The following TSPEAR variants were observed in gnomAD, a reference collection of about 807,000 sequenced individuals.
TSPEAR encodes thrombospondin type laminin G domain and EAR repeats.
In TSPEAR, 69 loss-of-function variants were observed where a neutral mutation model predicts 71.6. That is an observed-to-expected ratio of 0.96 (90% confidence interval 0.79 to 1.18). The LOEUF (loss-of-function observed/expected upper bound fraction) is 1.18. TSPEAR is among the 50% of genes most tolerant of loss of function. The pLI, the probability that TSPEAR is intolerant of heterozygous loss-of-function variation, is 0.00. For missense variants in TSPEAR, 971 were observed against 894.9 expected (o/e 1.09, Z -1.09); for synonymous variants, 402 against 387.2 (o/e 1.04, Z -0.45).
chr21:44,614,920 T>C (rs1555932089), intron 1 of TSPEAR, among the ~76,000 whole-genome samples: 1 of 152,038 alleles, frequency 6.6e-6, no homozygotes, highest in African/African-American at 2.4e-5. Flanking sequence ...ACATGAGACA[T>C]CGGCACCCCT....
intron 1 of TSPEAR, among the ~76,000 whole-genome samples, chr21:44,595,468 C>G (rs113910251): frequency 6.6e-6 from 1 of 152,202 alleles, no homozygotes; most frequent in Non-Finnish European, 1.5e-5. Flanking sequence ...CTTACTGAAT[C>G]TATATAGTTG....
intron 1 of TSPEAR, among the ~76,000 whole-genome samples, chr21:44,680,197 A>G (rs1410192639): frequency 6.6e-6 from 1 of 152,220 alleles, no homozygotes; most frequent in Non-Finnish European, 1.5e-5. Flanking sequence ...CAACAACAAC[A>G]AAACAAATAA....
intron 1 of TSPEAR, among the ~76,000 whole-genome samples, chr21:44,693,892 G>A (rs188183515): frequency 3.3e-5 from 5 of 152,292 alleles, no homozygotes; most frequent in African/African-American, 1.2e-4. Context: ...AACATTCTTT[G>A]CAGCATTATT....
intron 1 of TSPEAR, among the ~76,000 whole-genome samples, chr21:44,685,539 C>A (rs577083388): frequency 6.6e-6 from 1 of 152,246 alleles, no homozygotes; most frequent in African/African-American, 2.4e-5. Context: ...GCTCCGTCTG[C>A]AGAGGAGGTG....
At chr21:44,513,409 CATAGAGGAG>C (rs1173321462) in intron 9 of TSPEAR, among the ~76,000 whole-genome samples, 1 of 152,240 alleles carries the variant, frequency 6.6e-6, no homozygotes, top group East Asian at 1.9e-4. Context: ...ATTAGGGACT[CATAGAGGAG>C]AGAGAAAGAA....
rs369424032 is a variant in TSPEAR, at chr21:44,687,644, G to A, written c.82+23789C>T. Among the ~76,000 whole-genome samples the A allele has an allele frequency of 2.8e-4, 43 of 152,298 alleles. 1 individual carries two copies. The South Asian group carries it at 7.9e-3, about 28-fold the overall frequency. Reference sequence around the variant, plus strand: ...TCTGGGGGATTGGGTGAAATTGACTGGGGAAGGCAGAAGAGTTCTGGAGAG... The same window carrying A: ...TCTGGGGGATTGGGTGAAATTGACTAGGGAAGGCAGAAGAGTTCTGGAGAG... On this transcript the variant is annotated intron_variant, in intron 1 of 11. Coordinates refer to ENST00000323084, the MANE Select transcript of TSPEAR (RefSeq NM_144991.3). This position sits in a 1 kb window ranked among gnomAD's most constrained non-coding sequence, Gnocchi z 4.4.
At chr21:44,522,452 A>G (rs1267064873) in intron 8 of TSPEAR, among the ~76,000 whole-genome samples, 1 of 152,052 alleles carries the variant, frequency 6.6e-6, no homozygotes, top group Non-Finnish European at 1.5e-5. Context: ...GCATCCCCAC[A>G]GGCCAGGCCT....
At chr21:44,539,868 A>T (rs782003069) in intron 2 of TSPEAR, 2 of 1,577,674 alleles carry the variant, frequency 1.3e-6, no homozygotes, top group African/African-American at 2.7e-5. Flanking sequence ...GCCTGCTGGC[A>T]GGGGGAGGAG....
chr21:44,680,749 G>A (rs1986544285), intron 1 of TSPEAR, among the ~76,000 whole-genome samples: 1 of 152,210 alleles, frequency 6.6e-6, no homozygotes, highest in Non-Finnish European at 1.5e-5. Flanking sequence ...CAACATGGAT[G>A]GAACCGAAGG....
At chr21:44,702,681 C>T (rs558105849) in intron 1 of TSPEAR, 63 of 1,546,652 alleles carry the variant, frequency 4.1e-5, no homozygotes, top group African/African-American at 2.3e-4. Flanking sequence ...GTTGTGCACC[C>T]GCCTTCTCCT....
intron 1 of TSPEAR, among the ~76,000 whole-genome samples, chr21:44,644,825 A>G (rs751072060): frequency 2.1e-4 from 32 of 152,232 alleles, no homozygotes; most frequent in Non-Finnish European, 3.8e-4. Flanking sequence ...CTTTATATTG[A>G]AAGGCTCAAT....
At chr21:44,544,357 G>A (rs1281631458) in intron 2 of TSPEAR, among the ~76,000 whole-genome samples, 1 of 152,154 alleles carries the variant, frequency 6.6e-6, no homozygotes, top group Non-Finnish European at 1.5e-5. Context: ...GACTACAAAG[G>A]GGCATGAGGG....
chr21:44,521,145 A>G (rs887025479), intron 9 of TSPEAR, among the ~76,000 whole-genome samples: 6 of 152,212 alleles, frequency 3.9e-5, no homozygotes, highest in Admixed American at 3.3e-4. Flanking sequence ...GCTTCCAGCA[A>G]ACAGTGGGAG....
At chr21:44,654,556 C>G (rs1555942186) in intron 1 of TSPEAR, 3 of 1,609,272 alleles carry the variant, frequency 1.9e-6, no homozygotes, top group Non-Finnish European at 2.5e-6. Context: ...GCTGGGGACA[C>G]AGCACGGGGA....
intron 7 of TSPEAR, among the ~76,000 whole-genome samples, chr21:44,527,029 G>A (rs587634829): frequency 2.2e-4 from 33 of 152,352 alleles, no homozygotes; most frequent in African/African-American, 5.8e-4. Context: ...ATGTAGTGAC[G>A]AGGGGTCTAT....
chr21:44,575,197 G>A (rs995913479), intron 1 of TSPEAR: 1 of 712,596 alleles, frequency 1.4e-6, no homozygotes. Flanking sequence ...GGGGGAGGGG[G>A]GCGCTTCTAG....
intron 2 of TSPEAR, chr21:44,558,107 G>A (rs1406751918): frequency 3.5e-5 from 56 of 1,610,660 alleles, no homozygotes; most frequent in Non-Finnish European, 4.4e-5. Flanking sequence ...AGAGGCGGGA[G>A]CACGTGGGGC....
rs191940095 is a variant in TSPEAR, at chr21:44,568,403, C to A, written c.83-398G>T. Among the ~76,000 whole-genome samples, 720 of 152,326 alleles carry A rather than the reference C, an allele frequency of 4.7e-3. 2 individuals are homozygous for A. The highest frequency in any genetic ancestry group is 8.2e-3 in the Non-Finnish European group (556 of 68,030). On this transcript the variant is annotated intron_variant, in intron 1 of 11. Transcript: ENST00000323084. ...ACGCAGGAAGCGGCTGGGAATGAGACCAGGCAGGCCCAGGCTCCTGTCTGC... is the reference window on the plus strand; with the variant it reads ...ACGCAGGAAGCGGCTGGGAATGAGAACAGGCAGGCCCAGGCTCCTGTCTGC...
chr21:44,525,078 G>T (rs1601362403), intron 8 of TSPEAR, among the ~76,000 whole-genome samples: 1 of 151,980 alleles, frequency 6.6e-6, no homozygotes, highest in South Asian at 2.1e-4. Context: ...CAGTCAGTTA[G>T]CCAGTCAGCT....
Sources: allele counts gnomAD v4.1 joint callset (sites outside exome capture counted in the v4.1 genomes callset), GRCh38; gene constraint gnomAD v4.1.1; non-coding constraint Gnocchi (gnomAD v3.1); transcripts MANE v1.5; gene names NCBI Gene and HGNC (gene_info 2026-07-23, HGNC 2026-07-21).